TRAPPC12: variants seen among roughly 807,000 people sequenced by gnomAD.
TRAPPC12 encodes TPR repeat protein 15.
TRAPPC12 carries 61 observed loss-of-function variants against 69.2 expected under a neutral mutation model. The observed-to-expected ratio is 0.88, with a 90% CI of 0.72 to 1.09. The LOEUF (loss-of-function observed/expected upper bound fraction) is 1.09. Ranked by LOEUF, TRAPPC12 falls within the 50% of genes least tolerant of loss-of-function variation. The pLI, the probability that TRAPPC12 is intolerant of heterozygous loss-of-function variation, is 0.00. For missense variants in TRAPPC12, 1,101 were observed against 1,016.4 expected, an observed-to-expected ratio of 1.08 and a Z score of -1.13; for synonymous variants, 469 against 438.9, an observed-to-expected ratio of 1.07 and a Z score of -0.86.
intron 9 of TRAPPC12, among the ~76,000 whole-genome samples, chr2:3,470,686 T>C (rs1666024717): frequency 6.6e-6 from 1 of 152,186 alleles, no homozygotes; most frequent in Admixed American, 6.5e-5. Context: ...CTGAGAAAGA[T>C]ACATACAGCC....
Position 3,434,219 on chromosome 2 carries a change from G to T in TRAPPC12, c.1417+9556G>T, listed in dbSNP as rs565772568. 3.3e-5 allele frequency among the ~76,000 whole-genome samples: 5 copies of T among 152,318 alleles called. No individual in the cohort carries two copies. The South Asian group carries it at 8.3e-4, about 25-fold the overall frequency. The stretch of plus-strand genomic sequence containing the variant: ...GTGCACCCAGTGCAGGCCCTCCTGC[G>T]CAGCGCTAGGAGCTGCTGAGTAAAT... On this transcript the variant is annotated intron_variant, in intron 5 of 11. Coordinates refer to ENST00000324266, the MANE Select transcript of TRAPPC12 (RefSeq NM_016030.6).
intron 9 of TRAPPC12, among the ~76,000 whole-genome samples, chr2:3,466,772 C>T (rs911421584): frequency 1.3e-5 from 2 of 152,210 alleles, no homozygotes; most frequent in African/African-American, 4.8e-5. Flanking sequence ...CAGGCAGGCA[C>T]AGATGCGTGA....
chr2:3,390,048 A>G (rs1167733704), intron 2 of TRAPPC12, among the ~76,000 whole-genome samples: 1 of 152,156 alleles, frequency 6.6e-6, no homozygotes, highest in Non-Finnish European at 1.5e-5. Flanking sequence ...AAGAGGGGTA[A>G]TCAATCAGAG....
intron 6 of TRAPPC12, among the ~76,000 whole-genome samples, chr2:3,450,912 G>A (rs1030980541): frequency 4.6e-5 from 7 of 151,994 alleles, no homozygotes; most frequent in African/African-American, 1.5e-4. Context: ...AGGGACAGAC[G>A]CAAAGGCTCC....
chr2:3,477,741 A>G lies in TRAPPC12; in HGVS notation c.1823A>G (p.Lys608Arg), dbSNP rs753892900. 77 of 1,608,622 alleles carry G rather than the reference A, an allele frequency of 4.8e-5. 2 individuals are homozygous for G. Among genetic ancestry groups the G allele is most frequent in the South Asian group, 4.8e-4 (43 of 89,880 alleles). ...GAAAAGTATTTTCAAGACGTTGAGA[A>G]AGTAACACAGAAATTAGATGGACTA... is the stretch of plus-strand genomic sequence containing the variant. Reference protein sequence around the residue: ...TAEKYFQDVEKVTQKLDGLQG... With the variant: ...TAEKYFQDVERVTQKLDGLQG... Residue 608 changes from lysine (K) to arginine (R), a missense_variant, in exon 10 of 12, where the codon AAA becomes AGA. By Grantham distance (26) the Lys-to-Arg change is conservative. Coordinates refer to ENST00000324266, the MANE Select transcript of TRAPPC12 (RefSeq NM_016030.6).
intron 7 of TRAPPC12, chr2:3,458,290 A>T (rs550612168): frequency 1.1e-5 from 11 of 986,618 alleles, no homozygotes; most frequent in Non-Finnish European, 1.3e-5. Context: ...CATGCTTGGA[A>T]ACCTGGCCTG....
chr2:3,478,489 C>T (rs1666394104), intron 10 of TRAPPC12, among the ~76,000 whole-genome samples: 1 of 152,154 alleles, frequency 6.6e-6, no homozygotes, highest in South Asian at 2.1e-4. Flanking sequence ...AAAAAATTAG[C>T]CAGGCGTGGT....
chr2:3,388,797 G>A, intron 2 of TRAPPC12, 127 bp downstream of exon 2: 1 of 979,868 alleles, frequency 1.0e-6, no homozygotes, highest in Non-Finnish European at 1.4e-6. Context: ...ATCCCATTGT[G>A]AGCGCCTGTG....
rs1252720134 is a variant in TRAPPC12, at chr2:3,477,800, A to T, written c.1877+5A>T. ...AATCATGGTTTTGATGAACAGGTAA[A>T]TATTTTAAAACTAAATATATGTTTT... On this transcript the variant is annotated splice_donor_5th_base_variant and intron_variant, in intron 10 of 11. Coordinates refer to ENST00000324266, the MANE Select transcript of TRAPPC12 (RefSeq NM_016030.6). 1.3e-6 allele frequency: 2 copies of T among 1,566,746 alleles called. No individual in the cohort carries two copies. Among genetic ancestry groups the T allele is most frequent in the East Asian group, 4.5e-5 (2 of 44,500 alleles).
At chr2:3,417,552 C>G (rs1662489541) in intron 3 of TRAPPC12, among the ~76,000 whole-genome samples, 1 of 152,160 alleles carries the variant, frequency 6.6e-6, no homozygotes, top group South Asian at 2.1e-4. Flanking sequence ...GGAAACTTGC[C>G]CTGGCTTCTG....
At chr2:3,426,292 G>T (rs1358223930) in intron 5 of TRAPPC12, among the ~76,000 whole-genome samples, 1 of 152,220 alleles carries the variant, frequency 6.6e-6, no homozygotes, top group African/African-American at 2.4e-5. Flanking sequence ...TGATTTCATG[G>T]AAGTGAACCA....
intron 6 of TRAPPC12, among the ~76,000 whole-genome samples, chr2:3,444,434 G>C (rs895198618): frequency 6.6e-6 from 1 of 152,358 alleles, no homozygotes; most frequent in South Asian, 2.1e-4. Context: ...AAAGTGGCAC[G>C]TTATTACACT....
At chr2:3,447,439 T>C (rs1316550968) in intron 6 of TRAPPC12, among the ~76,000 whole-genome samples, 1 of 152,074 alleles carries the variant, frequency 6.6e-6, no homozygotes, top group African/African-American at 2.4e-5. Context: ...GGGAAGCAAG[T>C]GTGTCACATG....
intron 3 of TRAPPC12, among the ~76,000 whole-genome samples, chr2:3,415,627 C>T (rs887826539): frequency 6.6e-6 from 1 of 152,006 alleles, no homozygotes; most frequent in Non-Finnish European, 1.5e-5. Flanking sequence ...TGCTCTCCAA[C>T]TCCTGATCCC....
In TRAPPC12 at chr2:3,457,561, A is replaced by G; in HGVS notation, c.1531-60A>G. Reference sequence around the variant, plus strand: ...TGCTGTACTGAGATTATATTATAACAAAGTCTTAGACAAAAATTGGTTCCC... The same window carrying G: ...TGCTGTACTGAGATTATATTATAACGAAGTCTTAGACAAAAATTGGTTCCC... On this transcript the variant is annotated intron_variant, in intron 6 of 11. Transcript: ENST00000324266. The G allele has an allele frequency of 2.1e-6, 3 of 1,422,976 alleles. No homozygotes were observed. The South Asian group carries it at 3.6e-5, about 17-fold the overall frequency. 88.1% of individuals were successfully genotyped at this position (1,422,976 alleles called of 1,614,324 possible). A position where few individuals can be genotyped will look rare whatever the true frequency, so the allele number is the denominator to read the frequency against.
At chr2:3,444,379 G>A (rs114175066) in intron 6 of TRAPPC12, among the ~76,000 whole-genome samples, 2,363 of 152,326 alleles carry the variant, frequency 0.016, 71 homozygotes, top group African/African-American at 0.054. Context: ...GAGTGTTTTC[G>A]GACTCATTCT....
At chr2:3,393,343 C>T (rs1219896309) in intron 2 of TRAPPC12, among the ~76,000 whole-genome samples, 6 of 109,218 alleles carry the variant, frequency 5.5e-5, no homozygotes, top group Non-Finnish European at 1.1e-4. Flanking sequence ...GTGTGAGGGG[C>T]ATGGGGAGAT....
rs1660588009 is a variant in TRAPPC12, at chr2:3,388,063, CG to C, written c.442del (p.Glu148SerfsTer33). ...GTCCCAGGCAGCGAAGCCGCGCGCC[CG>C]GAGCAGGAGCCTCCCGTTGCGGAGC... ...REVPGSEAARPEQEPPVAEPV... is the reference protein window; with the variant it reads ...REVPGSEAARXEQEPPVAEPV... On this transcript the variant is annotated frameshift_variant, in exon 2 of 12. Transcript: ENST00000324266. LOFTEE classifies it high-confidence loss of function. The C allele has an allele frequency of 6.6e-7, 1 of 1,516,122 alleles. No homozygotes were observed. Among genetic ancestry groups the C allele is most frequent in the Non-Finnish European group, 8.8e-7 (1 of 1,137,110 alleles). 93.9% of individuals were successfully genotyped at this position (1,516,122 alleles called of 1,614,324 possible). A position where few individuals can be genotyped will look rare whatever the true frequency, so the allele number is the denominator to read the frequency against.
intron 9 of TRAPPC12, chr2:3,467,318 C>T (rs545118793): frequency 1.3e-5 from 2 of 152,210 alleles, no homozygotes; most frequent in South Asian, 2.1e-4. Flanking sequence ...CTCACCGACG[C>T]CCCACACAAG....
Sources: allele counts gnomAD v4.1 joint callset (sites outside exome capture counted in the v4.1 genomes callset), GRCh38; gene constraint gnomAD v4.1.1; transcripts MANE v1.5; gene names NCBI Gene and HGNC (gene_info 2026-07-23, HGNC 2026-07-21).